The following GNAQ variants were observed in gnomAD, a reference collection of about 807,000 sequenced individuals.
GNAQ encodes the protein G protein subunit alpha q.
GNAQ carries 8 observed loss-of-function variants against 43.9 expected under a neutral mutation model. That is an observed-to-expected ratio of 0.18 (90% CI 0.11 to 0.33). GNAQ has a LOEUF of 0.33. GNAQ is among the 10% of genes least tolerant of loss of function. The pLI is 1.00. For missense variants in GNAQ, 158 were observed against 450.8 expected (o/e 0.35, Z 5.88); for synonymous variants, 155 against 170.7 (o/e 0.91, Z 0.71).
chr9:77,788,398 C>A (rs1826517879), intron 5 of GNAQ, among the ~76,000 whole-genome samples: 1 of 151,986 alleles, frequency 6.6e-6, no homozygotes. Flanking sequence ...TGAAAAAAGA[C>A]CAAATTGCAA....
intron 3 of GNAQ, among the ~76,000 whole-genome samples, chr9:77,801,585 GAAT>G (rs966492870): frequency 2.2e-4 from 33 of 152,106 alleles, no homozygotes; most frequent in African/African-American, 8.0e-4. Flanking sequence ...TGCCTCAGTT[GAAT>G]AATAGAGAGA....
chr9:78,014,511 C>T (rs960605588), intron 1 of GNAQ, among the ~76,000 whole-genome samples: 5 of 151,990 alleles, frequency 3.3e-5, no homozygotes, highest in African/African-American at 1.2e-4. Flanking sequence ...GAGGCTGAGG[C>T]AGGAGAATTG....
rs12340890 is a variant in GNAQ, at chr9:77,833,633, A to C, written c.322-17863T>G. On this transcript the variant is annotated intron_variant, in intron 2 of 6. Coordinates refer to ENST00000286548, the MANE Select transcript of GNAQ (RefSeq NM_002072.5). The stretch of plus-strand genomic sequence containing the variant: ...TGTTCAGATGCTTGTGCTGAAGATA[A>C]AGTGAGAACTGACAAGTTTTCCTGT... Among the ~76,000 whole-genome samples, 1,116 of 152,348 alleles carry C rather than the reference A, an allele frequency of 7.3e-3. 8 individuals carry two copies. The highest frequency in any genetic ancestry group is 0.023 in the African/African-American group (971 of 41,574).
At chr9:77,929,348 C>A (rs982996396) in intron 1 of GNAQ, among the ~76,000 whole-genome samples, 2 of 152,168 alleles carry the variant, frequency 1.3e-5, no homozygotes, top group Non-Finnish European at 1.5e-5. Flanking sequence ...AAGACTGGAA[C>A]CTACCAAGGT....
At position 77,728,689 on chromosome 9, in the gene GNAQ, G is replaced by GA. The variant is rs773827868; in HGVS notation, c.736-23dup. On this transcript the variant is annotated intron_variant, in intron 5 of 6. Transcript: ENST00000286548. ...GGTTCTGGAAAAAAAAAAAAAATCA[G>GA]AAAAAACAAGGAGTGAATTACATGA... 26 of 1,385,608 alleles carry GA rather than the reference G, an allele frequency of 1.9e-5. No individual in the cohort carries two copies. The South Asian group carries it at 3.2e-4, about 17-fold the overall frequency. 85.8% of individuals were successfully genotyped at this position (1,385,608 alleles called of 1,614,324 possible).
At chr9:77,792,058 A>C (rs549198396) in intron 5 of GNAQ, among the ~76,000 whole-genome samples, 1 of 107,860 alleles carries the variant, frequency 9.3e-6, no homozygotes, top group South Asian at 3.2e-4. Flanking sequence ...CTACATCCCA[A>C]CATTAAAAAA....
At chr9:77,876,160 C>T (rs1554722449) in intron 2 of GNAQ, among the ~76,000 whole-genome samples, 1 of 152,190 alleles carries the variant, frequency 6.6e-6, no homozygotes, top group Non-Finnish European at 1.5e-5. Context: ...AGAAAAAGAA[C>T]TGGCACCAGG....
intron 5 of GNAQ, 54 bp from the exon 6 acceptor site, chr9:77,728,721 A>C (rs1825439633): frequency 8.3e-7 from 1 of 1,212,096 alleles, no homozygotes; most frequent in Non-Finnish European, 1.2e-6. Context: ...ATGATTACTT[A>C]ATTTGTGAAT....
intron 5 of GNAQ, among the ~76,000 whole-genome samples, chr9:77,738,877 A>AT (rs148784350): frequency 0.016 from 2,415 of 148,890 alleles, 52 homozygotes; most frequent in African/African-American, 0.054. Context: ...TAGTCTAAGC[A>AT]TTTTTTTTTT....
intron 1 of GNAQ, among the ~76,000 whole-genome samples, chr9:78,022,095 G>A (rs2118606948): frequency 6.6e-6 from 1 of 152,310 alleles, no homozygotes; most frequent in African/African-American, 2.4e-5. Flanking sequence ...CCCCCTCAAA[G>A]TGCTCCCCAC....
chr9:77,753,470 A>G (rs1825849755), intron 5 of GNAQ, among the ~76,000 whole-genome samples: 1 of 152,230 alleles, frequency 6.6e-6, no homozygotes, highest in African/African-American at 2.4e-5. Flanking sequence ...AGATAACTCT[A>G]TGGATACCAC....
At chr9:77,822,005 T>A (rs935428047) in intron 2 of GNAQ, among the ~76,000 whole-genome samples, 1 of 152,152 alleles carries the variant, frequency 6.6e-6, no homozygotes, top group Non-Finnish European at 1.5e-5. Context: ...ATTTGACAAA[T>A]GGATTCTGAA....
At chr9:77,998,055 CACACACACGCACACGCGCGCATGT>C (rs964265889) in intron 1 of GNAQ, among the ~76,000 whole-genome samples, 12 of 152,178 alleles carry the variant, frequency 7.9e-5, no homozygotes, top group African/African-American at 2.7e-4. Context: ...TTCTCATACA[CACACACACGCACACGCGCGCATGT>C]ACACACACGC....
intron 2 of GNAQ, among the ~76,000 whole-genome samples, chr9:77,892,115 A>G (rs1446928303): frequency 6.6e-6 from 1 of 152,152 alleles, no homozygotes; most frequent in African/African-American, 2.4e-5. Context: ...TTCTAGTTTC[A>G]GTTGTCCTTC....
At chr9:77,763,137 CA>C (rs746721052) in intron 5 of GNAQ, among the ~76,000 whole-genome samples, 1 of 126,426 alleles carries the variant, frequency 7.9e-6, no homozygotes, top group Non-Finnish European at 1.6e-5. Context: ...AACAAACAAA[CA>C]AACAAAAAAA....
At chr9:77,980,307 T>A (rs1362732829) in intron 1 of GNAQ, among the ~76,000 whole-genome samples, 1 of 152,216 alleles carries the variant, frequency 6.6e-6, no homozygotes, top group African/African-American at 2.4e-5. Flanking sequence ...CATTTCAGTA[T>A]CAAGTGTCTC....
intron 1 of GNAQ, among the ~76,000 whole-genome samples, chr9:77,991,371 A>G (rs1488790400): frequency 1.3e-5 from 2 of 152,202 alleles, no homozygotes; most frequent in African/African-American, 4.8e-5. Context: ...AATGGCCACA[A>G]ATACCAGAAA....
At chr9:77,792,452 CA>C (rs1475205450) in intron 5 of GNAQ, among the ~76,000 whole-genome samples, 1 of 151,958 alleles carries the variant, frequency 6.6e-6, no homozygotes, top group Non-Finnish European at 1.5e-5. Context: ...AAAACGATGC[CA>C]TTTTATTCTA....
rs1049320271 is a variant in GNAQ at position 77,882,341 on chromosome 9, C to G, written c.321+39820G>C. On this transcript the variant is annotated intron_variant, in intron 2 of 6. Coordinates refer to ENST00000286548, the MANE Select transcript of GNAQ (RefSeq NM_002072.5). ...GTTCCAGATCTTGTATTTAAATAAC[C>G]CAAATTGAACCCAGAAGCTTAAAAA... 1.3e-4 allele frequency among the ~76,000 whole-genome samples: 20 copies of G among 152,048 alleles called. No homozygotes were observed. The South Asian group carries it at 3.3e-3, about 25-fold the overall frequency.
Sources: allele counts gnomAD v4.1 joint callset (sites outside exome capture counted in the v4.1 genomes callset), GRCh38; gene constraint gnomAD v4.1.1; transcripts MANE v1.5; gene names NCBI Gene and HGNC (gene_info 2026-07-23, HGNC 2026-07-21).